GALK2: variants seen among roughly 807,000 people sequenced by gnomAD.
The protein encoded by GALK2 is N-acetylgalactosamine kinase.
Under a neutral mutation model 52.4 loss-of-function variants are expected in GALK2, and 36 were observed. The ratio of observed to expected loss-of-function variants is 0.69; its 90% confidence interval spans 0.53 to 0.91. The LOEUF is 0.91. Among genes scored for constraint, GALK2 ranks in the 40% least tolerant of loss-of-function variants. The probability of loss-of-function intolerance (pLI) is 0.00; values close to 1 mark genes in which losing one functional copy is unlikely to be tolerated. For synonymous variants in GALK2, 176 were observed against 199.1 expected (o/e 0.88, Z 0.98); for missense variants, 579 against 559.1 (o/e 1.04, Z -0.36).
upstream of GALK2, among the ~76,000 whole-genome samples, chr15:49,167,564 G>T (rs1382081381): frequency 6.6e-6 from 1 of 152,094 alleles, no homozygotes; most frequent in Non-Finnish European, 1.5e-5. Context: ...TCACCATGTT[G>T]GCCAGGCCGT....
chr15:49,264,633 G>C (rs936584602), intron 5 of GALK2, among the ~76,000 whole-genome samples: 1 of 152,144 alleles, frequency 6.6e-6, no homozygotes, highest in Non-Finnish European at 1.5e-5. Context: ...CGTTCCTTTG[G>C]AGGAGGAGAG....
In GALK2 at chr15:49,170,378, G is replaced by T. The variant is rs773047978; in HGVS notation, c.53+3G>T. The T allele has an allele frequency of 2.7e-5, 43 of 1,588,114 alleles. No individual in the cohort carries two copies. The highest frequency in any genetic ancestry group is 8.1e-5 in the South Asian group (7 of 86,760). On this transcript the variant is annotated splice_donor_region_variant and intron_variant, in intron 1 of 9. Coordinates refer to ENST00000560031, the MANE Select transcript of GALK2 (RefSeq NM_002044.4). Reference sequence around the variant, plus strand: ...GTCCAGGTGGCAGAACATCCTAGGTGGGGGAGAGGAGACGCCGGGCTTTGG... The same window carrying T: ...GTCCAGGTGGCAGAACATCCTAGGTTGGGGAGAGGAGACGCCGGGCTTTGG...
downstream of GALK2, chr15:49,332,005 T>G (rs1290699034): frequency 1.6e-6 from 1 of 606,690 alleles, no homozygotes; most frequent in Non-Finnish European, 2.9e-6. Context: ...CTGAAGTAGG[T>G]ACTCCTATTA....
At chr15:49,275,197 G>T (rs2031454311) in intron 5 of GALK2, among the ~76,000 whole-genome samples, 1 of 152,152 alleles carries the variant, frequency 6.6e-6, no homozygotes, top group Non-Finnish European at 1.5e-5. Flanking sequence ...GTCACTAGGT[G>T]ATAGGAATTG....
chr15:49,308,559 C>A (rs1351108526), intron 8 of GALK2, among the ~76,000 whole-genome samples: 2 of 152,134 alleles, frequency 1.3e-5, no homozygotes, highest in Non-Finnish European at 2.9e-5. Flanking sequence ...AGCTTGATAG[C>A]TGAAAACCAA....
intron 8 of GALK2, among the ~76,000 whole-genome samples, chr15:49,295,327 C>CTG (rs2034367129): frequency 6.9e-6 from 1 of 145,120 alleles, no homozygotes; most frequent in Admixed American, 6.7e-5. Context: ...CTCTCTCTCT[C>CTG]TCTATCTATA....
At chr15:49,156,402 C>A in intron 1 of GALK2, 3 of 429,682 alleles carry the variant, frequency 7.0e-6, no homozygotes, top group African/African-American at 2.1e-5. Context: ...AACATGAAGC[C>A]CTCTCTCGCT....
intron 9 of GALK2, among the ~76,000 whole-genome samples, chr15:49,321,661 A>G (rs1050405745): frequency 6.6e-6 from 1 of 152,186 alleles, no homozygotes; most frequent in Non-Finnish European, 1.5e-5. Flanking sequence ...AGGCACTAAG[A>G]GATGAAATAA....
intron 1 of GALK2, among the ~76,000 whole-genome samples, chr15:49,160,540 C>G (rs1376431620): frequency 1.3e-5 from 2 of 152,004 alleles, no homozygotes; most frequent in African/African-American, 4.8e-5. Context: ...TGGGACTGAT[C>G]TCGTTTACTA....
At chr15:49,326,255 ATTTTTTTTTTTTT>A (rs35381509) in intron 9 of GALK2, among the ~76,000 whole-genome samples, 25 of 100,690 alleles carry the variant, frequency 2.5e-4, no homozygotes, top group Non-Finnish European at 4.7e-4. Flanking sequence ...TATGACAACC[ATTTTTTTTTTTTT>A]TTTTTTTTTT....
In GALK2 at chr15:49,292,557, T is replaced by A. The variant is rs1428371003; in HGVS notation, c.967+20T>A. The A allele has an allele frequency of 1.9e-6, 3 of 1,590,438 alleles. No individual in the cohort carries two copies. On this transcript the variant is annotated intron_variant, in intron 8 of 9. Coordinates refer to ENST00000560031, the MANE Select transcript of GALK2 (RefSeq NM_002044.4). ...AAGATGGTGAGTTGGCTGGAGAAAGTATGATATATGTTATTCCCTCACTTA... is the reference window on the plus strand; with the variant it reads ...AAGATGGTGAGTTGGCTGGAGAAAGAATGATATATGTTATTCCCTCACTTA...
Position 49,235,888 on chromosome 15 carries a change from A to C in GALK2, c.304A>C (p.Lys102Gln). ...TAGTGCTAATAACATCCAGATTGAT[A>C]AAACCAAGCCTTTGTGGCACAACTA... Reference protein sequence around the residue: ...STSANNIQIDKTKPLWHNYFL... With the variant: ...STSANNIQIDQTKPLWHNYFL... Residue 102 changes from lysine to glutamine, a missense_variant, in exon 4 of 10, where the codon AAA becomes CAA. Coordinates refer to ENST00000560031, the MANE Select transcript of GALK2 (RefSeq NM_002044.4). 3.7e-6 allele frequency: 6 copies of C among 1,613,806 alleles called. No homozygotes were observed. Among genetic ancestry groups the C allele is most frequent in the Non-Finnish European group, 5.1e-6 (6 of 1,179,684 alleles).
Position 49,329,807 on chromosome 15 carries a change from A to T in GALK2, c.*1648A>T, listed in dbSNP as rs796648338. 29 of 107,630 alleles carry T rather than the reference A, an allele frequency of 2.7e-4. No individual in the cohort carries two copies. The highest frequency in any genetic ancestry group is 4.2e-4 in the Non-Finnish European group (25 of 60,106). The allele number at this position is 107,630 out of a possible 1,614,324, so 6.7% of individuals were successfully genotyped here. ...TCTTTAAAGATACCTGGATCAGTGT[A>T]AAAAAAAAAAAAAAAAGGCACCTGT... On this transcript the variant is annotated 3_prime_UTR_variant, in exon 10 of 10. Coordinates refer to ENST00000560031, the MANE Select transcript of GALK2 (RefSeq NM_002044.4).
intron 3 of GALK2, among the ~76,000 whole-genome samples, chr15:49,230,064 A>C (rs955121070): frequency 2.0e-5 from 3 of 152,188 alleles, no homozygotes; most frequent in African/African-American, 7.2e-5. Context: ...TGACAACAGC[A>C]GTTAGCACTC....
At chr15:49,168,689 G>A (rs1183166421), upstream of GALK2, among the ~76,000 whole-genome samples, 4 of 149,952 alleles carry the variant, frequency 2.7e-5, no homozygotes, top group African/African-American at 7.4e-5. Context: ...TTGCACTCCA[G>A]CCTGGGCAAC....
chr15:49,277,044 G>T lies in GALK2; in HGVS notation c.505-4943G>T, dbSNP rs555805815. ...GCTGGAGTGCAGTGGCGCAATCTCG[G>T]CTCACTGCAAGCTCCGCCTCCTGGG... On this transcript the variant is annotated intron_variant, in intron 5 of 9. Transcript: ENST00000560031. Among the ~76,000 whole-genome samples the T allele has an allele frequency of 4.9e-5, 7 of 143,266 alleles. No homozygotes were observed. In the East Asian group the frequency reaches 1.4e-3, roughly 30 times the overall value. The allele number at this position is 143,266 out of a possible 152,430, so 94.0% of individuals were successfully genotyped here. A position where few individuals can be genotyped will look rare whatever the true frequency, so the allele number is the denominator to read the frequency against.
At chr15:49,186,280 C>T (rs913086060) in intron 1 of GALK2, among the ~76,000 whole-genome samples, 9 of 152,180 alleles carry the variant, frequency 5.9e-5, no homozygotes, top group Non-Finnish European at 5.9e-5. Context: ...TGTAACTTGT[C>T]GGCATGCTAT....
At chr15:49,188,514 G>T (rs1274362427) in intron 1 of GALK2, among the ~76,000 whole-genome samples, 1 of 152,230 alleles carries the variant, frequency 6.6e-6, no homozygotes, top group Non-Finnish European at 1.5e-5. Context: ...TAAGAGAGTG[G>T]TGGTGTCAAT....
At chr15:49,190,511 A>G (rs1268878328) in intron 1 of GALK2, among the ~76,000 whole-genome samples, 2 of 152,232 alleles carry the variant, frequency 1.3e-5, no homozygotes, top group Admixed American at 6.5e-5. Context: ...TCTTTAACAT[A>G]TGTTCATTTT....
Sources: allele counts gnomAD v4.1 joint callset (sites outside exome capture counted in the v4.1 genomes callset), GRCh38; gene constraint gnomAD v4.1.1; transcripts MANE v1.5; gene names NCBI Gene and HGNC (gene_info 2026-07-23, HGNC 2026-07-21).